PLA2R1: variants seen among roughly 807,000 people sequenced by gnomAD.
PLA2R1 encodes phospholipase A2 receptor 1.
Under a neutral mutation model 195.9 loss-of-function variants are expected in PLA2R1, and 158 were observed. That is an observed-to-expected ratio of 0.81 (90% CI 0.71 to 0.92). The LOEUF (loss-of-function observed/expected upper bound fraction) is 0.92. PLA2R1 is among the 40% of genes least tolerant of loss of function. The pLI is 0.00. For synonymous variants in PLA2R1, 586 were observed against 598.2 expected (o/e 0.98, Z 0.30); for missense variants, 1,626 against 1,764.6 (o/e 0.92, Z 1.41).
intron 1 of PLA2R1, 92 bp downstream of exon 1, chr2:160,062,203 G>T: frequency 9.8e-7 from 1 of 1,021,370 alleles, no homozygotes; most frequent in Non-Finnish European, 1.4e-6. Context: ...CCGCCAGCTT[G>T]GCCCCTAGCT....
chr2:160,010,508 A>ATC (rs1692289557), intron 10 of PLA2R1, among the ~76,000 whole-genome samples: 1 of 152,260 alleles, frequency 6.6e-6, no homozygotes, highest in Admixed American at 6.5e-5. Context: ...AATTGTGCCC[A>ATC]TCAAACCTGT....
In PLA2R1 at chr2:159,951,446, TGCATCAG is replaced by T. The variant is rs765468122; in HGVS notation, c.3427_3433del (p.Leu1143ThrfsTer24). ...TGTGATGCTGACCAGTTGTGCTTTGTGCATCAGGCAGGTTTTTATTGCTGCATACCAA... is the reference window on the plus strand; with the variant it reads ...TGTGATGCTGACCAGTTGTGCTTTGTGCAGGTTTTTATTGCTGCATACCAA... On this transcript the variant is annotated frameshift_variant, in exon 24 of 30. Coordinates refer to ENST00000283243, the MANE Select transcript of PLA2R1 (RefSeq NM_007366.5). LOFTEE classifies it high-confidence loss of function. 3.1e-6 allele frequency: 5 copies of T among 1,613,626 alleles called. No homozygotes were observed.
At chr2:159,927,139 G>T (rs1033749212), downstream of PLA2R1, among the ~76,000 whole-genome samples, 10 of 152,134 alleles carry the variant, frequency 6.6e-5, no homozygotes, top group Non-Finnish European at 1.0e-4. Context: ...TACAGGACTG[G>T]GAGGGAGGAA....
Position 159,947,436 on chromosome 2 carries a change from TCA to T in PLA2R1, c.3831_3832del (p.His1277GlnfsTer9), listed in dbSNP as rs1388919311. 6.3e-7 allele frequency: 1 copy of T among 1,598,486 alleles called. No homozygotes were observed. Among genetic ancestry groups the T allele is most frequent in the Admixed American group, 1.8e-5 (1 of 55,954 alleles). ...ACAATTACCTTCCTTTTTGCAAAAT[TCA>T]TGAGCAGCCTCAAAACTCATACTGT... On this transcript the variant is annotated frameshift_variant, in exon 26 of 30. Transcript: ENST00000283243. LOFTEE classifies it high-confidence loss of function.
At position 159,955,277 on chromosome 2, in the gene PLA2R1, T is replaced by C. The variant is rs367984910; in HGVS notation, c.3223A>G (p.Asn1075Asp). The change falls in exon 23 of 30, where the codon AAT becomes GAT. Residue 1075 changes from asparagine to aspartate, a missense_variant. Asn to Asp is a conservative substitution (Grantham distance 23). Coordinates refer to ENST00000283243, the MANE Select transcript of PLA2R1 (RefSeq NM_007366.5). ...PLCALLSSNP[N>D]FHFTGKWYFE... ...TACCATTTTCCAGTGAAATGAAAAT[T>C]AGGATTACTTGAGAGTAAGGCACAG... 13 of 1,607,144 alleles carry C rather than the reference T, an allele frequency of 8.1e-6. No individual in the cohort carries two copies. The highest frequency in any genetic ancestry group is 2.7e-5 in the African/African-American group (2 of 74,752).
intron 22 of PLA2R1, 71 bp downstream of exon 22, chr2:159,955,627 G>C (rs914278974): frequency 1.9e-5 from 14 of 730,032 alleles, no homozygotes; most frequent in Non-Finnish European, 2.9e-5. Context: ...AATAAAAAAA[G>C]CTTTAGTAAA....
intron 28 of PLA2R1, 150 bp from the exon 29 acceptor site, chr2:159,942,309 TGTATTG>T (rs1687131468): frequency 1.6e-6 from 1 of 636,190 alleles, no homozygotes; most frequent in African/African-American, 1.8e-5. Flanking sequence ...CATTCATTGA[TGTATTG>T]TTACAGCTGC....
intron 12 of PLA2R1, among the ~76,000 whole-genome samples, chr2:159,986,350 C>A (rs1690334472): frequency 6.6e-6 from 1 of 152,126 alleles, no homozygotes; most frequent in Non-Finnish European, 1.5e-5. Flanking sequence ...TGGTTCCAAG[C>A]ATTTCAGAAA....
Position 159,987,376 on chromosome 2 carries a change from G to A in PLA2R1, c.1835-18C>T. On this transcript the variant is annotated intron_variant, in intron 11 of 29. Coordinates refer to ENST00000283243, the MANE Select transcript of PLA2R1 (RefSeq NM_007366.5). ...ACTGTAGCCTAAAAGCAGAAAACAAGCATTTTTAATACCAGACGACTAAAA... is the reference window on the plus strand; with the variant it reads ...ACTGTAGCCTAAAAGCAGAAAACAAACATTTTTAATACCAGACGACTAAAA... 1.9e-6 allele frequency: 3 copies of A among 1,587,650 alleles called. No homozygotes were observed. The highest frequency in any genetic ancestry group is 2.6e-6 in the Non-Finnish European group (3 of 1,162,802).
Position 160,028,360 on chromosome 2 carries a change from C to T in PLA2R1, c.957G>A (p.Glu319=). The T allele has an allele frequency of 2.5e-6, 4 of 1,602,108 alleles. No homozygotes were observed. The highest frequency in any genetic ancestry group is 2.6e-6 in the Non-Finnish European group (3 of 1,171,190). The change falls in exon 6 of 30, where the codon GAG becomes GAA. Residue 319 remains glutamate, a splice_region_variant and synonymous_variant. Coordinates refer to ENST00000283243, the MANE Select transcript of PLA2R1 (RefSeq NM_007366.5). ...CTTCAACAAATGGCTCAAAATTTAC[C>T]TCTGAAAATACAATGAGTGTCTTTA... ...TPLNYLNWSP[E]VNFEPFVEDH...
intron 3 of PLA2R1, 67 bp downstream of exon 3, chr2:160,041,958 T>C: frequency 8.8e-6 from 11 of 1,256,212 alleles, no homozygotes; most frequent in Non-Finnish European, 1.1e-5. Flanking sequence ...TTTGTTTAGA[T>C]ACAGATAACT....
chr2:160,011,943 A>AGT (rs567739780), intron 10 of PLA2R1, among the ~76,000 whole-genome samples: 12 of 109,338 alleles, frequency 1.1e-4, no homozygotes, highest in Admixed American at 3.3e-4. Flanking sequence ...AATCCATTTG[A>AGT]GTGTGTGTGT....
chr2:159,951,618 G>A, intron 23 of PLA2R1, 40 bp from the exon 24 acceptor site: 2 of 994,514 alleles, frequency 2.0e-6, no homozygotes, highest in Non-Finnish European at 3.2e-6. Flanking sequence ...TGCAGCATCT[G>A]GATGACAAAG....
At chr2:159,962,020 C>T (rs543982982) in intron 20 of PLA2R1, among the ~76,000 whole-genome samples, 2 of 152,154 alleles carry the variant, frequency 1.3e-5, no homozygotes, top group South Asian at 4.1e-4. Flanking sequence ...CAACAAAAGC[C>T]AAAATAGACA....
chr2:160,013,431 G>T, intron 9 of PLA2R1, 56 bp from the exon 10 acceptor site: 1 of 1,048,738 alleles, frequency 9.5e-7, no homozygotes. Flanking sequence ...TAAATACCAA[G>T]AGATATTTTT....
At position 160,028,296 on chromosome 2, in the gene PLA2R1, A is replaced by C. The variant is rs1368347839; in HGVS notation, c.1021T>G (p.Trp341Gly). 6.2e-7 allele frequency: 1 copy of C among 1,605,374 alleles called. No homozygotes were observed. Among genetic ancestry groups the C allele is most frequent in the Non-Finnish European group, 8.5e-7 (1 of 1,172,710 alleles). ...GTFSSFMPSA[W>G]RSRDCESTLP... ...GTGGACTCACAATCCCGACTCCTCCAGGCACTTGGCATAAATGAACTAAAT... is the reference window on the plus strand; with the variant it reads ...GTGGACTCACAATCCCGACTCCTCCCGGCACTTGGCATAAATGAACTAAAT... The change falls in exon 6 of 30, where the codon TGG (tryptophan) becomes GGG (glycine). Residue 341 changes from tryptophan (W) to glycine (G), a missense_variant. Physicochemically the swap from Trp to Gly is radical, Grantham distance 184 (BLOSUM62 -2). Transcript: ENST00000283243.
rs1687002955 is a variant in PLA2R1 at position 159,939,626 on chromosome 2, T to C, written c.*2152A>G. The C allele has an allele frequency of 6.6e-6, 1 of 152,160 alleles. No individual in the cohort carries two copies. Among genetic ancestry groups the C allele is most frequent in the Non-Finnish European group, 1.5e-5 (1 of 68,020 alleles). 9.4% of individuals were successfully genotyped at this position (152,160 alleles called of 1,614,324 possible). The stretch of plus-strand genomic sequence containing the variant: ...TGGCAAGAAGTGTGTGATCTGTCCA[T>C]GGGTCCAGATTATCTGGAGATGTTG... On this transcript the variant is annotated 3_prime_UTR_variant, in exon 30 of 30. Transcript: ENST00000283243.
intron 14 of PLA2R1, among the ~76,000 whole-genome samples, chr2:159,978,888 C>T (rs2667023): frequency 0.85 from 129,740 of 152,188 alleles, 55,497 homozygotes; most frequent in African/African-American, 0.91. Context: ...GATATTTTGC[C>T]AATCATGAGA....
At chr2:159,928,761 G>T (rs960239324), downstream of PLA2R1, among the ~76,000 whole-genome samples, 2 of 152,052 alleles carry the variant, frequency 1.3e-5, no homozygotes, top group African/African-American at 4.8e-5. Flanking sequence ...AAACTATAAG[G>T]CCATAGTCAC....
Sources: gnomAD v4.1 joint callset for allele counts (sites outside exome capture counted in the v4.1 genomes callset) on GRCh38, gnomAD v4.1.1 for gene constraint, MANE v1.5 for transcripts, NCBI Gene and HGNC (gene_info 2026-07-23, HGNC 2026-07-21) for gene names.